Variants in DSCAML1 observed in about 807,000 individuals in gnomAD.
DSCAML1 encodes the protein DS cell adhesion molecule like 1.
A neutral mutation model predicts 200.5 loss-of-function variants in DSCAML1; 38 were observed. The ratio of observed to expected loss-of-function variants is 0.19; its 90% CI spans 0.15 to 0.25. DSCAML1 has a LOEUF of 0.25. Among genes scored for constraint, DSCAML1 ranks in the 10% least tolerant of loss-of-function variants. The pLI, the probability that DSCAML1 is intolerant of heterozygous loss-of-function variation, is 1.00. For missense variants in DSCAML1, 2,223 were observed against 2,858.8 expected (o/e 0.78, Z 5.07); for synonymous variants, 1,215 against 1,165.0 (o/e 1.04, Z -0.87).
At chr11:117,645,697 C>A (rs891922632) in intron 3 of DSCAML1, among the ~76,000 whole-genome samples, 4 of 134,612 alleles carry the variant, frequency 3.0e-5, no homozygotes, top group Non-Finnish European at 6.0e-5. Context: ...GGGAATTGAA[C>A]AATGAGAACA....
At chr11:117,744,633 G>A (rs1227833776) in intron 3 of DSCAML1, among the ~76,000 whole-genome samples, 1 of 152,210 alleles carries the variant, frequency 6.6e-6, no homozygotes, top group Non-Finnish European at 1.5e-5. Flanking sequence ...CCCAGCCACT[G>A]GCCACCCCAG....
rs569556969 is a variant in DSCAML1, at chr11:117,530,677, T to C, written c.658+1699A>G. On this transcript the variant is annotated intron_variant, in intron 4 of 32. Coordinates refer to ENST00000651296, the MANE Select transcript of DSCAML1 (RefSeq NM_020693.4). ...CCTGATCTCCTGGCCTTGCCCCACA[T>C]GTGACAGACAAGTGGAAGTGGTCCT... 2.2e-3 allele frequency among the ~76,000 whole-genome samples: 334 copies of C among 152,168 alleles called. 4 individuals are homozygous for C. The highest frequency in any genetic ancestry group is 7.8e-3 in the African/African-American group (325 of 41,518).
At chr11:117,442,445 GTA>G (rs1449158866) in intron 21 of DSCAML1, among the ~76,000 whole-genome samples, 1 of 151,770 alleles carries the variant, frequency 6.6e-6, no homozygotes, top group African/African-American at 2.4e-5. Context: ...GGGTCTGTGT[GTA>G]TAAGTGTGTG....
chr11:117,672,458 T>C (rs2053130618), intron 3 of DSCAML1, among the ~76,000 whole-genome samples: 1 of 152,184 alleles, frequency 6.6e-6, no homozygotes, highest in African/African-American at 2.4e-5. Context: ...GATGGCTTTA[T>C]AGATCAGTGC....
chr11:117,807,505 C>T (rs78864878), intron 1 of DSCAML1, among the ~76,000 whole-genome samples: 5,850 of 152,286 alleles, frequency 0.038, 300 homozygotes, highest in African/African-American at 0.12. Flanking sequence ...ATTCACCGCA[C>T]TTCTCATGAG....
intron 2 of DSCAML1, among the ~76,000 whole-genome samples, chr11:117,778,588 T>G (rs1180591585): frequency 2.0e-5 from 3 of 152,242 alleles, no homozygotes; most frequent in African/African-American, 7.2e-5. Context: ...CAATGTCACT[T>G]TTCATGATAG....
intron 11 of DSCAML1, among the ~76,000 whole-genome samples, chr11:117,501,643 A>AAGG (rs2049397668): frequency 6.6e-6 from 1 of 152,010 alleles, no homozygotes; most frequent in African/African-American, 2.4e-5. Context: ...GGTGTGAGAA[A>AAGG]CGGAGGATGT....
At chr11:117,586,098 C>T (rs988278476) in intron 3 of DSCAML1, among the ~76,000 whole-genome samples, 41 of 152,266 alleles carry the variant, frequency 2.7e-4, no homozygotes, top group African/African-American at 9.9e-4. Context: ...TACCCTGGAC[C>T]AATCCCTCCT....
At chr11:117,741,323 C>T (rs993737056) in intron 3 of DSCAML1, among the ~76,000 whole-genome samples, 26 of 152,372 alleles carry the variant, frequency 1.7e-4, no homozygotes, top group Non-Finnish European at 1.0e-4. Context: ...TCTCCACATT[C>T]GATCTCTTCT....
At chr11:117,540,821 C>T (rs1179686016) in intron 3 of DSCAML1, among the ~76,000 whole-genome samples, 3 of 150,800 alleles carry the variant, frequency 2.0e-5, no homozygotes, top group African/African-American at 7.4e-5. Flanking sequence ...TGCACATGTA[C>T]CCTGGAACTT....
rs757513667 is a variant in DSCAML1, at chr11:117,437,257, G to A, written c.4585C>T (p.Arg1529Trp). 70 of 1,614,096 alleles carry A rather than the reference G, an allele frequency of 4.3e-5. No homozygotes were observed. Among genetic ancestry groups the A allele is most frequent in the Admixed American group, 5.0e-5 (3 of 60,010 alleles). ...PKGTWAWQGL[R>W]ANSSGEVFLT... ...AACACCTCCCCGGAGCTGTTGGCCC[G>A]GAGGCCCTGCCAGGCCCAGGTCCCC... Residue 1529 changes from arginine (R) to tryptophan (W), a missense_variant, in exon 26 of 33, where the codon CGG (arginine) becomes TGG (tryptophan). By Grantham distance (101) the Arg-to-Trp change is moderately radical. Coordinates refer to ENST00000651296, the MANE Select transcript of DSCAML1 (RefSeq NM_020693.4). This position sits in a 1 kb window ranked among gnomAD's most constrained non-coding sequence, Gnocchi z 5.3.
intron 1 of DSCAML1, among the ~76,000 whole-genome samples, chr11:117,785,672 C>T (rs866050354): frequency 2.6e-5 from 4 of 152,298 alleles, no homozygotes; most frequent in African/African-American, 9.6e-5. Flanking sequence ...GTCCTTATGT[C>T]TAACTTCTGT....
At chr11:117,513,262 G>A (rs1196469212) in intron 8 of DSCAML1, among the ~76,000 whole-genome samples, 1 of 152,108 alleles carries the variant, frequency 6.6e-6, no homozygotes, top group East Asian at 1.9e-4. Flanking sequence ...GCTGGGGGTT[G>A]TTAGGTCCCT....
intron 3 of DSCAML1, among the ~76,000 whole-genome samples, chr11:117,570,156 G>A (rs1193808895): frequency 1.3e-5 from 2 of 152,094 alleles, no homozygotes; most frequent in Non-Finnish European, 2.9e-5. Context: ...GGGGGGATGT[G>A]AGCTAGAATG....
At position 117,503,792 on chromosome 11, in the gene DSCAML1, G is replaced by A. The variant is rs995881743; in HGVS notation, c.2359+53C>T. On this transcript the variant is annotated intron_variant, in intron 11 of 32. Coordinates refer to ENST00000651296, the MANE Select transcript of DSCAML1 (RefSeq NM_020693.4). The surrounding 1 kb of genome is among the most constrained non-coding windows in gnomAD (Gnocchi z 5.2). ...GAGTAGGCAGGGAGAGTGCAGAGCC[G>A]GGGCTTGGCTGTGATTTGGGGGTGC... 3.1e-5 allele frequency: 49 copies of A among 1,564,832 alleles called. No homozygotes were observed. Among genetic ancestry groups the A allele is most frequent in the South Asian group, 7.2e-5 (6 of 83,280 alleles).
intron 3 of DSCAML1, among the ~76,000 whole-genome samples, chr11:117,630,549 T>A (rs2052149360): frequency 6.6e-6 from 1 of 150,446 alleles, no homozygotes; most frequent in African/African-American, 2.5e-5. Context: ...CTCCACCAGG[T>A]CTTGCCGGAG....
intron 3 of DSCAML1, among the ~76,000 whole-genome samples, chr11:117,602,877 C>T (rs541652159): frequency 1.3e-5 from 2 of 152,026 alleles, no homozygotes; most frequent in East Asian, 3.9e-4. Context: ...GACAGGTGGA[C>T]CGTTTGAGCT....
At chr11:117,637,996 C>G (rs2052326808) in intron 3 of DSCAML1, among the ~76,000 whole-genome samples, 1 of 152,180 alleles carries the variant, frequency 6.6e-6, no homozygotes, top group African/African-American at 2.4e-5. Context: ...CCCCACTCCT[C>G]ACATATGCAG....
Position 117,780,409 on chromosome 11 carries a change from T to C in DSCAML1, c.364+84A>G, listed in dbSNP as rs1591503920. ...CAAAACTGTTCTTGAGTGAACGACT[T>C]CTTGCAAGCCCCTCCGAATATCCTC... On this transcript the variant is annotated intron_variant, in intron 2 of 32. Coordinates refer to ENST00000651296, the MANE Select transcript of DSCAML1 (RefSeq NM_020693.4). This position sits in a 1 kb window ranked among gnomAD's most constrained non-coding sequence, Gnocchi z 4.8. The C allele has an allele frequency of 2.5e-5, 32 of 1,265,046 alleles. No homozygotes were observed. In the East Asian group the frequency reaches 8.9e-4, roughly 35 times the overall value. The allele number at this position is 1,265,046 out of a possible 1,614,324, so 78.4% of individuals were successfully genotyped here.
Sources: gnomAD v4.1 joint callset for allele counts (sites outside exome capture counted in the v4.1 genomes callset) on GRCh38, gnomAD v4.1.1 for gene constraint, Gnocchi (gnomAD v3.1) non-coding constraint, MANE v1.5 for transcripts, NCBI Gene and HGNC (gene_info 2026-07-23, HGNC 2026-07-21) for gene names.